F13B: variants seen among roughly 807,000 people sequenced by gnomAD.
The protein encoded by F13B is TGase.
Under a neutral mutation model 79.8 loss-of-function variants are expected in F13B, and 58 were observed. The ratio of observed to expected loss-of-function variants is 0.73; its 90% CI spans 0.59 to 0.90. The LOEUF is 0.90. F13B is among the 40% of genes least tolerant of loss of function. F13B has a pLI of 0.00. For synonymous variants in F13B, 283 were observed against 260.3 expected (o/e 1.09, Z -0.84); for missense variants, 773 against 777.0 (o/e 0.99, Z 0.06).
At chr1:197,055,947 T>C in intron 7 of F13B, 50 bp from the exon 8 acceptor site, 1 of 1,383,548 alleles carries the variant, frequency 7.2e-7, no homozygotes, top group Non-Finnish European at 1.0e-6. Context: ...AACAATATAC[T>C]ATAGTAACTC....
At position 197,057,445 on chromosome 1, in the gene F13B, G is replaced by C. The variant is rs773446437; in HGVS notation, c.826C>G (p.Pro276Ala). The C allele has an allele frequency of 1.2e-6, 2 of 1,613,828 alleles. No individual in the cohort carries two copies. Among genetic ancestry groups the C allele is most frequent in the Admixed American group, 3.3e-5 (2 of 59,954 alleles). The stretch of plus-strand genomic sequence containing the variant: ...TTGGAGTTTATGGGCAGAGGTGGAG[G>C]AGGACATCTGTTTCTTCTTCCTTAT... ...VCEGRRNRCPPPPLPINSKIQ... is the reference protein window; with the variant it reads ...VCEGRRNRCPAPPLPINSKIQ... Residue 276 changes from proline (P) to alanine (A), a missense_variant, in exon 6 of 12, where the codon CCT becomes GCT. Physicochemically the swap from Pro to Ala is conservative, Grantham distance 27. Coordinates refer to ENST00000367412, the MANE Select transcript of F13B (RefSeq NM_001994.3).
At chr1:197,043,828 A>C (rs1239908297) in intron 10 of F13B, among the ~76,000 whole-genome samples, 1 of 152,134 alleles carries the variant, frequency 6.6e-6, no homozygotes, top group East Asian at 1.9e-4. Context: ...TAATATATGT[A>C]ATATGGCATC....
intron 10 of F13B, among the ~76,000 whole-genome samples, chr1:197,041,696 T>G (rs932227370): frequency 6.6e-6 from 1 of 152,316 alleles, no homozygotes; most frequent in Admixed American, 6.5e-5. Context: ...GTTGTCATTC[T>G]TTTGGAACAT....
chr1:197,040,495 T>A (rs1418925825), intron 11 of F13B, 27 bp downstream of exon 11: 3 of 1,537,838 alleles, frequency 2.0e-6, no homozygotes, highest in South Asian at 2.2e-5. Flanking sequence ...AAAAAAATAA[T>A]CTGACCAAAA....
rs1457761596 is a variant in F13B, at chr1:197,040,467, T to C, written c.1952+55A>G. The C allele has an allele frequency of 1.5e-5, 18 of 1,241,084 alleles. No individual in the cohort carries two copies. In the Admixed American group the frequency reaches 2.7e-4, roughly 19 times the overall value. 76.9% of individuals were successfully genotyped at this position (1,241,084 alleles called of 1,614,324 possible). On this transcript the variant is annotated intron_variant, in intron 11 of 11. Transcript: ENST00000367412. ...ATAGAACATAACATTTCTGAAATGT[T>C]GAATAACAATCTGACCAAAAAAAAT...
chr1:197,056,804 T>A (rs1410674874), intron 7 of F13B, among the ~76,000 whole-genome samples: 4 of 152,196 alleles, frequency 2.6e-5, no homozygotes, highest in African/African-American at 4.8e-5. Flanking sequence ...TGTTTAAGAA[T>A]TCTTTACATT....
At position 197,040,862 on chromosome 1, in the gene F13B, C is replaced by G; in HGVS notation, c.1739-127G>C. The G allele has an allele frequency of 1.5e-5, 10 of 683,762 alleles. No individual in the cohort carries two copies. The South Asian group carries it at 1.8e-4, about 12-fold the overall frequency. The allele number at this position is 683,762 out of a possible 1,614,324, so 42.4% of individuals were successfully genotyped here. ...TTAAAATTCTCAGGCCTAAGAGCAG[C>G]AAGTCAGTTAATCAGAATTAATATT... On this transcript the variant is annotated intron_variant, in intron 10 of 11. Coordinates refer to ENST00000367412, the MANE Select transcript of F13B (RefSeq NM_001994.3).
chr1:197,061,734 T>A, intron 3 of F13B, 50 bp downstream of exon 3: 1 of 1,461,054 alleles, frequency 6.8e-7, no homozygotes, highest in South Asian at 1.1e-5. Context: ...ATATATTCAA[T>A]ATAAGCTTGA....
chr1:197,040,869 G>A (rs577788386), intron 10 of F13B, 134 bp from the exon 11 acceptor site: 2 of 664,640 alleles, frequency 3.0e-6, no homozygotes, highest in African/African-American at 3.7e-5. Context: ...CAGCAAGTCA[G>A]TTAATCAGAA....
chr1:197,047,891 C>G (rs970816837), intron 10 of F13B, among the ~76,000 whole-genome samples: 3 of 152,018 alleles, frequency 2.0e-5, no homozygotes, highest in Admixed American at 2.0e-4. Flanking sequence ...ATTACAAGGA[C>G]AGAAAACCAA....
Position 197,061,755 on chromosome 1 carries a change from T to C in F13B, c.451+29A>G, listed in dbSNP as rs768344333. ...TCAATATAAGCTTGATAAGCACTTA[T>C]CTTCAGTTTTAGGAAATGATTCTTA... On this transcript the variant is annotated intron_variant, in intron 3 of 11. Transcript: ENST00000367412. 2.5e-6 allele frequency: 4 copies of C among 1,585,324 alleles called. No individual in the cohort carries two copies. In the South Asian group the frequency reaches 3.3e-5, roughly 13 times the overall value.
chr1:197,063,578 C>T (rs1425841071), intron 1 of F13B, among the ~76,000 whole-genome samples: 2 of 152,054 alleles, frequency 1.3e-5, no homozygotes, highest in Non-Finnish European at 2.9e-5. Flanking sequence ...CTTTGGCCTC[C>T]CAAAGCACTA....
chr1:197,063,800 C>T (rs1655956286), intron 1 of F13B, among the ~76,000 whole-genome samples: 1 of 151,832 alleles, frequency 6.6e-6, no homozygotes, highest in Non-Finnish European at 1.5e-5. Flanking sequence ...AAATCCACTA[C>T]ATATTTATAC....
intron 10 of F13B, among the ~76,000 whole-genome samples, chr1:197,042,830 A>AAT (rs1406852036): frequency 6.0e-5 from 9 of 151,006 alleles, no homozygotes; most frequent in Non-Finnish European, 1.0e-4. Context: ...AAAAAAAAAA[A>AAT]AATTCTATGT....
chr1:197,042,870 A>T lies in F13B; in HGVS notation c.1739-2135T>A, dbSNP rs17514788. Among the ~76,000 whole-genome samples the T allele has an allele frequency of 3.1e-3, 468 of 150,760 alleles. 2 individuals are homozygous for T. Among genetic ancestry groups the T allele is most frequent in the African/African-American group, 0.011 (441 of 41,280 alleles). ...TTTTTTTCTCTTGAGGTGTTTGTTG[A>T]CTCTAAGTCTGACCTGAGAGGTTAG... On this transcript the variant is annotated intron_variant, in intron 10 of 11. Coordinates refer to ENST00000367412, the MANE Select transcript of F13B (RefSeq NM_001994.3).
At chr1:197,065,285 A>C (rs540708922) in intron 1 of F13B, among the ~76,000 whole-genome samples, 14 of 152,182 alleles carry the variant, frequency 9.2e-5, no homozygotes, top group Non-Finnish European at 1.6e-4. Flanking sequence ...CCACCAGGAT[A>C]GGCACATTAT....
chr1:197,060,900 G>C lies in F13B; in HGVS notation c.627C>G (p.Thr209=). ...ATTTTATTCCAAATGAGAACCTACTGGTACATTTTGGTGTGAGAGACCATC... is the reference window on the plus strand; with the variant it reads ...ATTTTATTCCAAATGAGAACCTACTCGTACATTTTGGTGTGAGAGACCATC... ...TYGWSLTPKC[T]KLKCSSLRLI... Residue 209 remains threonine (T), a splice_region_variant and synonymous_variant, in exon 4 of 12, where the codon ACC becomes ACG. Transcript: ENST00000367412. The C allele has an allele frequency of 6.2e-7, 1 of 1,612,412 alleles. No homozygotes were observed. Among genetic ancestry groups the C allele is most frequent in the Non-Finnish European group, 8.5e-7 (1 of 1,178,824 alleles).
chr1:197,044,158 T>C (rs1655141990), intron 10 of F13B, among the ~76,000 whole-genome samples: 2 of 152,010 alleles, frequency 1.3e-5, no homozygotes, highest in South Asian at 2.1e-4. Context: ...TGAGAAATGG[T>C]ACACTCCTGA....
Position 197,061,955 on chromosome 1 carries a change from G to C in F13B, c.280C>G (p.Pro94Ala). The stretch of plus-strand genomic sequence containing the variant: ...GAGATGTAACCATTACTCAGGTCAG[G>C]CTTAGTGCATTTTTCTATGGGAAAA... ...EPRCFKKCTKPDLSNGYISDV... is the reference protein window; with the variant it reads ...EPRCFKKCTKADLSNGYISDV... The change falls in exon 3 of 12, where the codon CCT becomes GCT. Residue 94 changes from proline to alanine, a missense_variant. Pro to Ala is a conservative substitution (Grantham distance 27). Transcript: ENST00000367412. 6.2e-7 allele frequency: 1 copy of C among 1,611,964 alleles called. No homozygotes were observed.
Sources: allele counts gnomAD v4.1 joint callset (sites outside exome capture counted in the v4.1 genomes callset), GRCh38; gene constraint gnomAD v4.1.1; transcripts MANE v1.5; gene names NCBI Gene and HGNC (gene_info 2026-07-23, HGNC 2026-07-21).